RASSF5: variants seen among roughly 807,000 people sequenced by gnomAD.
RASSF5 encodes the protein ras association domain-containing protein 5.
A neutral mutation model predicts 40.5 loss-of-function variants in RASSF5; 25 were observed. That is an observed-to-expected ratio of 0.62 (90% CI 0.45 to 0.86). The LOEUF is 0.86. Among genes scored for constraint, RASSF5 ranks in the 40% least tolerant of loss-of-function variants. The probability of loss-of-function intolerance (pLI) is 0.00; values close to 1 mark genes in which losing one functional copy is unlikely to be tolerated. For missense variants in RASSF5, 521 were observed against 572.8 expected (o/e 0.91, Z 0.92); for synonymous variants, 246 against 252.4 (o/e 0.97, Z 0.24).
At position 206,521,927 on chromosome 1, in the gene RASSF5, G is replaced by A. The variant is rs115525537; in HGVS notation, c.457+13868G>A. ...GAGGGGCCCCTCCTGAGCAGGCCTG[G>A]GGCCGAGAGGGTATCTGGCAGCTCC... On this transcript the variant is annotated intron_variant, in intron 1 of 5. Transcript: ENST00000579436. 9.9e-3 allele frequency among the ~76,000 whole-genome samples: 1,505 copies of A among 152,282 alleles called. 24 individuals carry two copies. Among genetic ancestry groups the A allele is most frequent in the African/African-American group, 0.034 (1,430 of 41,530 alleles).
chr1:206,569,138 G>C (rs1553403819), intron 2 of RASSF5, among the ~76,000 whole-genome samples: 1 of 152,248 alleles, frequency 6.6e-6, no homozygotes, highest in African/African-American at 2.4e-5. Flanking sequence ...TCACTGCCAT[G>C]AGGCAAATTG....
At chr1:206,577,951 G>A (rs1014136823) in intron 2 of RASSF5, among the ~76,000 whole-genome samples, 5 of 152,144 alleles carry the variant, frequency 3.3e-5, no homozygotes, top group African/African-American at 7.2e-5. Flanking sequence ...AGCCAGGCGC[G>A]GTGGGTCACA....
chr1:206,526,688 C>T (rs895569929), intron 1 of RASSF5, among the ~76,000 whole-genome samples: 14 of 152,116 alleles, frequency 9.2e-5, no homozygotes, highest in African/African-American at 2.9e-4. Context: ...CTCCTCTGCA[C>T]CCATTAAAGG....
intron 1 of RASSF5, among the ~76,000 whole-genome samples, chr1:206,512,023 C>T (rs1666630309): frequency 6.6e-6 from 1 of 152,174 alleles, no homozygotes. Context: ...TTACCTTGGG[C>T]ACTTGGAAGG....
intron 1 of RASSF5, among the ~76,000 whole-genome samples, chr1:206,522,563 T>G (rs1368525803): frequency 2.6e-5 from 4 of 152,170 alleles, no homozygotes; most frequent in African/African-American, 9.7e-5. Flanking sequence ...CCATTTACTT[T>G]TACACTTTCT....
intron 1 of RASSF5, among the ~76,000 whole-genome samples, chr1:206,522,910 C>T (rs75726890): frequency 0.016 from 2,473 of 152,164 alleles, 33 homozygotes; most frequent in African/African-American, 0.047. Flanking sequence ...TGTAAGATGA[C>T]TAGATTCATT....
rs532237293 is a variant in RASSF5, at chr1:206,563,308, C to T, written c.580-19961C>T. 1.1e-3 allele frequency among the ~76,000 whole-genome samples: 165 copies of T among 152,272 alleles called. 1 individual carries two copies. The highest frequency in any genetic ancestry group is 3.8e-3 in the African/African-American group (157 of 41,544). On this transcript the variant is annotated intron_variant, in intron 2 of 5. Transcript: ENST00000579436. ...CTCTGCCACACATGCCTCCTGCCACCGTTTCTGCGCCAGGCACCTGGGAAG... is the reference window on the plus strand; with the variant it reads ...CTCTGCCACACATGCCTCCTGCCACTGTTTCTGCGCCAGGCACCTGGGAAG...
rs369731525 is a variant in RASSF5, at chr1:206,535,153, C to T, written c.458-3019C>T. ...GGGAGGTGGAGTTTGCAGAGAGCCACGATAGTGCCACTGCACTGCAGCCTG... is the reference window on the plus strand; with the variant it reads ...GGGAGGTGGAGTTTGCAGAGAGCCATGATAGTGCCACTGCACTGCAGCCTG... On this transcript the variant is annotated intron_variant, in intron 1 of 5. Coordinates refer to ENST00000579436, the MANE Select transcript of RASSF5 (RefSeq NM_182663.4). This position sits in a 1 kb window ranked among gnomAD's most constrained non-coding sequence, Gnocchi z 5.0. Among the ~76,000 whole-genome samples, 8 of 152,270 alleles carry T rather than the reference C, an allele frequency of 5.3e-5. No individual in the cohort carries two copies. Among genetic ancestry groups the T allele is most frequent in the African/African-American group, 1.7e-4 (7 of 41,546 alleles).
intron 1 of RASSF5, chr1:206,529,674 A>G (rs1274830951): frequency 5.3e-6 from 4 of 752,548 alleles, no homozygotes; most frequent in Non-Finnish European, 9.7e-6. Flanking sequence ...CAAAAAGGCA[A>G]AGGCTAAAGA....
chr1:206,574,314 T>C (rs1271182453), intron 2 of RASSF5, among the ~76,000 whole-genome samples: 1 of 152,194 alleles, frequency 6.6e-6, no homozygotes, highest in Non-Finnish European at 1.5e-5. Context: ...AGCGCATCCA[T>C]CTCTGTCTTC....
rs530655770 is a variant in RASSF5 at position 206,572,034 on chromosome 1, T to C, written c.580-11235T>C. On this transcript the variant is annotated intron_variant, in intron 2 of 5. Transcript: ENST00000579436. ...ACAGAAATGGAAAGGATTTGGGTCA[T>C]CTATTTTCAGAAGCAGAGGACAGAA... Among the ~76,000 whole-genome samples, 8 of 152,302 alleles carry C rather than the reference T, an allele frequency of 5.3e-5. No homozygotes were observed. In the South Asian group the frequency reaches 1.7e-3, roughly 32 times the overall value.
chr1:206,567,576 G>A (rs781910810), intron 2 of RASSF5, among the ~76,000 whole-genome samples: 1 of 151,944 alleles, frequency 6.6e-6, no homozygotes, highest in Non-Finnish European at 1.5e-5. Flanking sequence ...GTGTGACCTC[G>A]GGGAACCACC....
chr1:206,516,842 GC>G (rs1666759709), intron 1 of RASSF5, among the ~76,000 whole-genome samples: 1 of 152,214 alleles, frequency 6.6e-6, no homozygotes, highest in South Asian at 2.1e-4. Flanking sequence ...CCTGTGCTCA[GC>G]CAGGCAGGAC....
rs1667376995 is a variant in RASSF5, at chr1:206,535,796, T to C, written c.458-2376T>C. Among the ~76,000 whole-genome samples, 2 of 151,244 alleles carry C rather than the reference T, an allele frequency of 1.3e-5. No individual in the cohort carries two copies. Among genetic ancestry groups the C allele is most frequent in the Admixed American group, 6.6e-5 (1 of 15,178 alleles). On this transcript the variant is annotated intron_variant, in intron 1 of 5. Transcript: ENST00000579436. The surrounding 1 kb of genome is among the most constrained non-coding windows in gnomAD (Gnocchi z 5.0). ...AGAGATTCAGATGCACAGGTGGACA[T>C]AGACTGCCTGTGCCAACAGGACAAG...
At chr1:206,571,197 G>C (rs1668437196) in intron 2 of RASSF5, 1 of 151,892 alleles carries the variant, frequency 6.6e-6, no homozygotes, top group Non-Finnish European at 1.5e-5. Context: ...TAGTGATATT[G>C]AGCATTTTTT....
chr1:206,546,734 A>G (rs1051620377), intron 2 of RASSF5, among the ~76,000 whole-genome samples: 3 of 152,260 alleles, frequency 2.0e-5, no homozygotes, highest in Non-Finnish European at 4.4e-5. Context: ...CAGAACACTT[A>G]CATTAGCCTA....
chr1:206,578,404 T>A (rs1668739331), intron 2 of RASSF5, among the ~76,000 whole-genome samples: 1 of 152,086 alleles, frequency 6.6e-6, no homozygotes, highest in Non-Finnish European at 1.5e-5. Flanking sequence ...GCTGTGATGA[T>A]GAAATGAGCT....
intron 1 of RASSF5, among the ~76,000 whole-genome samples, chr1:206,525,648 T>A (rs909339921): frequency 1.3e-5 from 2 of 152,224 alleles, no homozygotes; most frequent in African/African-American, 4.8e-5. Context: ...TTAATTGTTT[T>A]GTTATGTTGC....
chr1:206,570,532 T>G (rs185052509), intron 2 of RASSF5, among the ~76,000 whole-genome samples: 32 of 151,976 alleles, frequency 2.1e-4, no homozygotes, highest in African/African-American at 7.0e-4. Context: ...AGTAACTCCC[T>G]ACCAATTAAA....
Sources: allele counts gnomAD v4.1 joint callset (sites outside exome capture counted in the v4.1 genomes callset), GRCh38; gene constraint gnomAD v4.1.1; non-coding constraint Gnocchi (gnomAD v3.1); transcripts MANE v1.5; gene names NCBI Gene and HGNC (gene_info 2026-07-23, HGNC 2026-07-21).